Variants in RIT2 observed in about 807,000 individuals in gnomAD.
The protein encoded by RIT2 is GTP-binding protein Rit2.
A neutral mutation model predicts 23.7 loss-of-function variants in RIT2; 24 were observed. The observed-to-expected ratio is 1.01, with a 90% CI of 0.73 to 1.43. The LOEUF (loss-of-function observed/expected upper bound fraction) is 1.43, where lower values mean the gene tolerates loss of function less well. Ranked by LOEUF, RIT2 falls within the 40% of genes most tolerant of loss-of-function variation. RIT2 has a pLI of 0.00. For missense variants in RIT2, 236 were observed against 266.9 expected (o/e 0.88, Z 0.81); for synonymous variants, 107 against 91.1 (o/e 1.17, Z -0.99).
At chr18:42,946,381 T>C (rs1909726908) in intron 3 of RIT2, among the ~76,000 whole-genome samples, 1 of 152,066 alleles carries the variant, frequency 6.6e-6, no homozygotes, top group Non-Finnish European at 1.5e-5. Context: ...GGTAGGTCTG[T>C]TACAATTCTA....
intron 3 of RIT2, among the ~76,000 whole-genome samples, chr18:42,963,603 T>C (rs1349854130): frequency 6.6e-6 from 1 of 152,092 alleles, no homozygotes; most frequent in Non-Finnish European, 1.5e-5. Flanking sequence ...GAAAGGAAAA[T>C]AAATCCTGGC....
intron 1 of RIT2, among the ~76,000 whole-genome samples, chr18:43,101,919 C>A (rs1295910842): frequency 6.6e-6 from 1 of 151,880 alleles, no homozygotes; most frequent in Non-Finnish European, 1.5e-5. Flanking sequence ...GCTAGCTAAA[C>A]AAAAAATAGA....
chr18:42,789,291 A>T (rs1336352462), intron 4 of RIT2, among the ~76,000 whole-genome samples: 2 of 152,180 alleles, frequency 1.3e-5, no homozygotes, highest in African/African-American at 4.8e-5. Context: ...ACAGGTCTTG[A>T]TTATCACCGT....
At chr18:43,016,707 A>T (rs1408488108) in intron 2 of RIT2, among the ~76,000 whole-genome samples, 1 of 151,866 alleles carries the variant, frequency 6.6e-6, no homozygotes, top group Non-Finnish European at 1.5e-5. Context: ...AGAAAGTCAA[A>T]TTATAGAATA....
intron 3 of RIT2, among the ~76,000 whole-genome samples, chr18:42,930,768 A>G (rs1195646066): frequency 2.0e-5 from 3 of 152,090 alleles, no homozygotes; most frequent in African/African-American, 7.2e-5. Flanking sequence ...TAGAATCTAA[A>G]TGGGGTAGTT....
At chr18:42,762,249 CTTCTA>C (rs1913319781) in intron 4 of RIT2, among the ~76,000 whole-genome samples, 2 of 152,242 alleles carry the variant, frequency 1.3e-5, no homozygotes, top group East Asian at 3.9e-4. Context: ...TAGATCATGT[CTTCTA>C]TTCATTGTTT....
At chr18:43,026,835 T>C (rs1413719160) in intron 2 of RIT2, among the ~76,000 whole-genome samples, 2 of 151,484 alleles carry the variant, frequency 1.3e-5, no homozygotes, top group Non-Finnish European at 2.9e-5. Context: ...AATTTTGGAG[T>C]TGTAACATAT....
intron 4 of RIT2, among the ~76,000 whole-genome samples, chr18:42,751,088 T>C (rs1013952820): frequency 6.6e-6 from 1 of 151,820 alleles, no homozygotes; most frequent in Non-Finnish European, 1.5e-5. Flanking sequence ...GATCAACATA[T>C]CTATGGAAGC....
chr18:42,903,870 C>G (rs990577027), intron 4 of RIT2, among the ~76,000 whole-genome samples: 1 of 152,020 alleles, frequency 6.6e-6, no homozygotes, highest in Non-Finnish European at 1.5e-5. Context: ...GCAAATCAAT[C>G]AAAGTATTTT....
chr18:42,950,535 T>C (rs1909825795), intron 3 of RIT2, among the ~76,000 whole-genome samples: 1 of 151,832 alleles, frequency 6.6e-6, no homozygotes, highest in Non-Finnish European at 1.5e-5. Context: ...AAACAAAAAA[T>C]GACAAGTGGG....
At chr18:43,050,962 T>A (rs1002641812) in intron 1 of RIT2, among the ~76,000 whole-genome samples, 3 of 152,078 alleles carry the variant, frequency 2.0e-5, no homozygotes, top group African/African-American at 7.2e-5. Context: ...CTCCCTGAGT[T>A]CTCTGAGCAA....
chr18:42,835,320 ACT>A (rs1161042367), intron 4 of RIT2, among the ~76,000 whole-genome samples: 2 of 151,996 alleles, frequency 1.3e-5, no homozygotes, highest in Admixed American at 6.6e-5. Context: ...ACACACACAC[ACT>A]CACACACACA....
intron 4 of RIT2, among the ~76,000 whole-genome samples, chr18:42,759,760 G>GATA (rs1913256710): frequency 7.7e-6 from 1 of 130,686 alleles, no homozygotes; most frequent in Non-Finnish European, 1.6e-5. Flanking sequence ...CACACATACG[G>GATA]ATATATATAT....
At chr18:43,026,612 G>GAAA (rs1386413176) in intron 2 of RIT2, among the ~76,000 whole-genome samples, 8 of 142,022 alleles carry the variant, frequency 5.6e-5, no homozygotes, top group African/African-American at 2.0e-4. Context: ...AAGAAAGAAA[G>GAAA]AAAGAAAGAA....
chr18:43,048,725 A>G (rs1023349504), intron 1 of RIT2, among the ~76,000 whole-genome samples: 1 of 152,182 alleles, frequency 6.6e-6, no homozygotes, highest in African/African-American at 2.4e-5. Flanking sequence ...CTCAGGGTCT[A>G]TCTAGCTAAA....
intron 1 of RIT2, among the ~76,000 whole-genome samples, chr18:43,037,855 A>G (rs1912016212): frequency 6.6e-6 from 1 of 152,068 alleles, no homozygotes; most frequent in Non-Finnish European, 1.5e-5. Context: ...TTCTGGAGAT[A>G]CTAAGGATTC....
chr18:42,921,361 A>G (rs1312448001), intron 4 of RIT2, among the ~76,000 whole-genome samples: 1 of 152,112 alleles, frequency 6.6e-6, no homozygotes, highest in African/African-American at 2.4e-5. Flanking sequence ...ACTTGCTTTT[A>G]TCTACAAGGA....
chr18:42,914,927 C>A (rs9947418), intron 4 of RIT2, among the ~76,000 whole-genome samples: 1 of 151,524 alleles, frequency 6.6e-6, no homozygotes, highest in Non-Finnish European at 1.5e-5. Flanking sequence ...ACTTCTTGTG[C>A]GTCTGTAATT....
Position 43,008,589 on chromosome 18 carries a change from TA to T in RIT2, c.160+25221del, listed in dbSNP as rs546640713. ...ATCTTCAATAAACAGCAATAAAAAG[TA>T]AAAAAAAAATAAAAGAGCTAAAGTA... On this transcript the variant is annotated intron_variant, in intron 2 of 4. Coordinates refer to ENST00000326695, the MANE Select transcript of RIT2 (RefSeq NM_002930.4). 8.7e-4 allele frequency among the ~76,000 whole-genome samples: 128 copies of T among 147,484 alleles called. 1 individual carries two copies. The South Asian group carries it at 0.015, about 17-fold the overall frequency.
Sources: allele counts gnomAD v4.1 joint callset (sites outside exome capture counted in the v4.1 genomes callset), GRCh38; gene constraint gnomAD v4.1.1; transcripts MANE v1.5; gene names NCBI Gene and HGNC (gene_info 2026-07-23, HGNC 2026-07-21).